Variants in GRB2 observed in about 807,000 individuals in gnomAD.
GRB2 encodes growth factor receptor bound protein 2.
In GRB2, 2 loss-of-function variants were observed where a neutral mutation model predicts 27.4. The observed-to-expected ratio is 0.07, with a 90% CI of 0.03 to 0.23. The LOEUF (loss-of-function observed/expected upper bound fraction) is 0.23. GRB2 is among the 10% of genes least tolerant of loss of function. GRB2 has a pLI of 1.00. For missense variants in GRB2, 102 were observed against 282.4 expected (o/e 0.36, Z 4.58); for synonymous variants, 94 against 99.6 (o/e 0.94, Z 0.33).
At chr17:75,371,314 G>T (rs1718595008) in intron 2 of GRB2, 1 of 151,896 alleles carries the variant, frequency 6.6e-6, no homozygotes, top group Admixed American at 6.6e-5. Context: ...AAATTCAAGG[G>T]TTTCTATTTC....
chr17:75,357,875 C>T (rs1419378770), intron 2 of GRB2, among the ~76,000 whole-genome samples: 1 of 151,618 alleles, frequency 6.6e-6, no homozygotes, highest in African/African-American at 2.4e-5. Flanking sequence ...GAGCCAAGAT[C>T]GCGCCACTGC....
chr17:75,381,490 G>A (rs980119950), intron 2 of GRB2, among the ~76,000 whole-genome samples: 1 of 151,738 alleles, frequency 6.6e-6, no homozygotes, highest in African/African-American at 2.4e-5. Flanking sequence ...AGGCTGAGGC[G>A]GGCAGATCAT....
intron 2 of GRB2, among the ~76,000 whole-genome samples, chr17:75,380,346 T>TAAAA (rs5822085): frequency 2.1e-5 from 3 of 142,942 alleles, no homozygotes; most frequent in Non-Finnish European, 4.5e-5. Flanking sequence ...TAGCTTGTAG[T>TAAAA]AAAAAAAAAA....
chr17:75,374,624 C>T (rs1193813073), intron 2 of GRB2, among the ~76,000 whole-genome samples: 1 of 150,868 alleles, frequency 6.6e-6, no homozygotes, highest in African/African-American at 2.4e-5. Flanking sequence ...CACACACACA[C>T]AAACACACAC....
At chr17:75,359,262 T>A (rs115639704) in intron 2 of GRB2, among the ~76,000 whole-genome samples, 1 of 150,678 alleles carries the variant, frequency 6.6e-6, no homozygotes, top group African/African-American at 2.4e-5. Context: ...ATCTAGCACA[T>A]TGGGAGGCCA....
chr17:75,377,101 G>A (rs1266585449), intron 2 of GRB2, among the ~76,000 whole-genome samples: 2 of 151,656 alleles, frequency 1.3e-5, no homozygotes, highest in Non-Finnish European at 2.9e-5. Flanking sequence ...AGGATCACTC[G>A]AGACCAGCCT....
At chr17:75,329,204 T>C (rs2078522546) in intron 3 of GRB2, among the ~76,000 whole-genome samples, 1 of 152,064 alleles carries the variant, frequency 6.6e-6, no homozygotes, top group South Asian at 2.1e-4. Context: ...AGATTCTCAA[T>C]CAGCAAGGCT....
At position 75,388,604 on chromosome 17, in the gene GRB2, C is replaced by CT. The variant is rs1355100758; in HGVS notation, c.78+4946dup. ...ATAGTGGGGGGGGGGAAGAAAAACACTTTTTTTTTTTTTTAATTTGGAGAT... is the reference window on the plus strand; with the variant it reads ...ATAGTGGGGGGGGGGAAGAAAAACACTTTTTTTTTTTTTTTAATTTGGAGAT... On this transcript the variant is annotated intron_variant, in intron 2 of 5. Coordinates refer to ENST00000316804, the MANE Select transcript of GRB2 (RefSeq NM_002086.5). 4.6e-3 allele frequency among the ~76,000 whole-genome samples: 644 copies of CT among 139,736 alleles called. 3 individuals are homozygous for CT. The highest frequency in any genetic ancestry group is 0.011 in the East Asian group (52 of 4,834). 91.7% of individuals were successfully genotyped at this position (139,736 alleles called of 152,430 possible). A position where few individuals can be genotyped will look rare whatever the true frequency, so the allele number is the denominator to read the frequency against.
chr17:75,370,579 G>C (rs905806250), intron 2 of GRB2, among the ~76,000 whole-genome samples: 1 of 152,152 alleles, frequency 6.6e-6, no homozygotes, highest in Non-Finnish European at 1.5e-5. Flanking sequence ...TAAGCCAAGT[G>C]TTCTGGCAAA....
At chr17:75,340,784 A>G (rs2078615549) in intron 2 of GRB2, among the ~76,000 whole-genome samples, 3 of 152,260 alleles carry the variant, frequency 2.0e-5, no homozygotes, top group Non-Finnish European at 4.4e-5. Context: ...TTTTTCTGCA[A>G]CATGAAAAAC....
intron 3 of GRB2, among the ~76,000 whole-genome samples, chr17:75,332,397 G>A (rs1598220668): frequency 1.3e-5 from 2 of 152,076 alleles, no homozygotes; most frequent in Non-Finnish European, 2.9e-5. Flanking sequence ...CAAAAAAAAT[G>A]CAGAATTATA....
intron 4 of GRB2, among the ~76,000 whole-genome samples, chr17:75,325,056 C>T (rs932901181): frequency 6.6e-6 from 1 of 152,032 alleles, no homozygotes; most frequent in African/African-American, 2.4e-5. Context: ...GCCTGGGGGA[C>T]AGAGCGAGAC....
intron 4 of GRB2, 152 bp from the exon 5 acceptor site, chr17:75,321,979 T>A (rs1193260840): frequency 1.0e-5 from 7 of 670,950 alleles, no homozygotes; most frequent in Non-Finnish European, 1.8e-5. Context: ...TGGGTGTCCC[T>A]GGGACGGACC....
At chr17:75,361,440 G>A (rs561171109) in intron 2 of GRB2, among the ~76,000 whole-genome samples, 1 of 152,162 alleles carries the variant, frequency 6.6e-6, no homozygotes, top group South Asian at 2.1e-4. Flanking sequence ...CAGAAAAATG[G>A]GTCTAAACAC....
At position 75,346,754 on chromosome 17, in the gene GRB2, A is replaced by C. The variant is rs1244677320; in HGVS notation, c.79-13957T>G. ...CTGGCTAATTTTTGTATTTTTTAGT[A>C]GAGACGGGGTTTCATCATGTTGGCC... On this transcript the variant is annotated intron_variant, in intron 2 of 5. Transcript: ENST00000316804. Among the ~76,000 whole-genome samples, 3 of 151,672 alleles carry C rather than the reference A, an allele frequency of 2.0e-5. 1 individual carries two copies. In the East Asian group the frequency reaches 5.8e-4, roughly 29 times the overall value.
chr17:75,377,967 C>T (rs934805330), intron 2 of GRB2, among the ~76,000 whole-genome samples: 4 of 152,186 alleles, frequency 2.6e-5, no homozygotes, highest in Admixed American at 2.6e-4. Context: ...TTGTGACAGA[C>T]TTCAGAACAA....
At chr17:75,364,280 A>G (rs2078805443) in intron 2 of GRB2, among the ~76,000 whole-genome samples, 3 of 152,344 alleles carry the variant, frequency 2.0e-5, no homozygotes, top group Middle Eastern at 6.8e-3. Flanking sequence ...GTTTTATTAC[A>G]TACCTATGTA....
intron 1 of GRB2, 126 bp from the exon 2 acceptor site, chr17:75,393,891 T>G: frequency 1.9e-5 from 8 of 417,642 alleles, no homozygotes; most frequent in East Asian, 3.6e-5. Context: ...CCTCCCTCCC[T>G]TCCAGGCAAC....
rs148523393 is a variant in GRB2, at chr17:75,355,507, G to A, written c.79-22710C>T. ...AATACATTTATCCATCACATAAATCGGGGATGTCCAATCTTTTGGCTTCCC... is the reference window on the plus strand; with the variant it reads ...AATACATTTATCCATCACATAAATCAGGGATGTCCAATCTTTTGGCTTCCC... On this transcript the variant is annotated intron_variant, in intron 2 of 5. Transcript: ENST00000316804. 6.7e-3 allele frequency among the ~76,000 whole-genome samples: 1,017 copies of A among 151,596 alleles called. 6 individuals carry two copies. Among genetic ancestry groups the A allele is most frequent in the Non-Finnish European group, 0.012 (783 of 67,958 alleles).
Sources: allele counts gnomAD v4.1 joint callset (sites outside exome capture counted in the v4.1 genomes callset), GRCh38; gene constraint gnomAD v4.1.1; transcripts MANE v1.5; gene names NCBI Gene and HGNC (gene_info 2026-07-23, HGNC 2026-07-21).